Variants in MREG observed in about 807,000 individuals in gnomAD.
The protein encoded by MREG is dilute suppressor protein homolog.
A neutral mutation model predicts 28.5 loss-of-function variants in MREG; 31 were observed. The observed-to-expected ratio is 1.09, with a 90% CI of 0.82 to 1.47. The LOEUF is 1.47. Among genes scored for constraint, MREG ranks in the 40% most tolerant of loss-of-function variants. The pLI, the probability that MREG is intolerant of heterozygous loss-of-function variation, is 0.00. For synonymous variants in MREG, 106 were observed against 95.2 expected, an observed-to-expected ratio of 1.11 and a Z score of -0.66; for missense variants, 256 against 257.4, an observed-to-expected ratio of 0.99 and a Z score of 0.04.
intron 2 of MREG, among the ~76,000 whole-genome samples, chr2:215,971,255 A>G (rs75237262): frequency 0.036 from 5,496 of 152,288 alleles, 124 homozygotes; most frequent in East Asian, 0.1. Flanking sequence ...ATGTATGTCT[A>G]TGTAACAAAC....
intron 2 of MREG, among the ~76,000 whole-genome samples, chr2:215,985,587 T>C (rs34376742): frequency 0.074 from 11,242 of 152,202 alleles, 472 homozygotes; most frequent in Non-Finnish European, 0.09. Flanking sequence ...CATTATTTGC[T>C]CTTCTATATA....
At chr2:216,011,608 T>C (rs966248449) in intron 1 of MREG, among the ~76,000 whole-genome samples, 1 of 152,250 alleles carries the variant, frequency 6.6e-6, no homozygotes, top group South Asian at 2.1e-4. Context: ...CCAGGCAACC[T>C]GATTCACAAG....
upstream of MREG, among the ~76,000 whole-genome samples, chr2:216,014,814 G>T (rs569427925): frequency 6.6e-6 from 1 of 152,244 alleles, no homozygotes; most frequent in African/African-American, 2.4e-5. Flanking sequence ...ACATATGAAA[G>T]TATCTACTTC....
intron 1 of MREG, among the ~76,000 whole-genome samples, chr2:216,031,491 AAGAGAAAG>A (rs1216867104): frequency 1.4e-4 from 18 of 130,494 alleles, no homozygotes; most frequent in African/African-American, 5.5e-4. Flanking sequence ...GAAAGAAAGA[AAGAGAAAG>A]AAAGAGAGAA....
intron 2 of MREG, among the ~76,000 whole-genome samples, chr2:215,981,321 G>A (rs528382929): frequency 2.0e-4 from 30 of 152,266 alleles, no homozygotes; most frequent in African/African-American, 6.5e-4. Context: ...ATATTATTCC[G>A]CTTGAAAAAG....
chr2:215,966,601 CTTTT>C (rs1052642780), intron 2 of MREG, among the ~76,000 whole-genome samples: 2 of 136,672 alleles, frequency 1.5e-5, no homozygotes, highest in Non-Finnish European at 1.6e-5. Flanking sequence ...AACATTTTCC[CTTTT>C]TTTTTTTTTT....
At chr2:215,985,652 A>T (rs1693549570) in intron 2 of MREG, among the ~76,000 whole-genome samples, 1 of 151,884 alleles carries the variant, frequency 6.6e-6, no homozygotes, top group South Asian at 2.1e-4. Context: ...AGCCTTAATT[A>T]TTTGTGGTCC....
intron 1 of MREG, among the ~76,000 whole-genome samples, chr2:216,007,763 CT>C (rs563278741): frequency 0.063 from 9,419 of 149,344 alleles, 409 homozygotes; most frequent in South Asian, 0.16. Flanking sequence ...CATTTTTGTA[CT>C]TTTAGCTGGC....
intron 1 of MREG, among the ~76,000 whole-genome samples, chr2:216,009,935 T>C (rs1315438565): frequency 6.6e-6 from 1 of 152,214 alleles, no homozygotes; most frequent in Non-Finnish European, 1.5e-5. Context: ...GGCTCACACA[T>C]CTTTCAAAAG....
Position 215,974,326 on chromosome 2 carries a change from G to A in MREG, c.255+21980C>T, listed in dbSNP as rs1693183626. ...TCCAGAACACTGGATTTAAGTCTGA[G>A]AAGCAGCAGGTCTCAGCCCACATCA... On this transcript the variant is annotated intron_variant, in intron 2 of 4. Coordinates refer to ENST00000263268, the MANE Select transcript of MREG (RefSeq NM_018000.3). Among the ~76,000 whole-genome samples, 2 of 152,192 alleles carry A rather than the reference G, an allele frequency of 1.3e-5. 1 individual carries two copies. The highest frequency in any genetic ancestry group is 4.1e-4 in the South Asian group (2 of 4,826).
chr2:216,010,580 A>G (rs1000919758), intron 1 of MREG, among the ~76,000 whole-genome samples: 4 of 149,488 alleles, frequency 2.7e-5, no homozygotes, highest in Non-Finnish European at 5.9e-5. Context: ...GATGGTCTTG[A>G]TCTCCTGACC....
intron 1 of MREG, among the ~76,000 whole-genome samples, chr2:216,012,942 C>T (rs1391841133): frequency 6.6e-6 from 1 of 152,222 alleles, no homozygotes; most frequent in Non-Finnish European, 1.5e-5. Flanking sequence ...TTCTGATCAA[C>T]TTCTCTCCCT....
rs148521245 is a variant in MREG at position 215,942,593 on chromosome 2, A to C, written c.*2270T>G. On this transcript the variant is annotated 3_prime_UTR_variant, in exon 5 of 5. Coordinates refer to ENST00000263268, the MANE Select transcript of MREG (RefSeq NM_018000.3). ...ATAACACACATCCAGCTGAAAAGTA[A>C]ATACAGGAGTCTTTTAATTCCTTGT... Among the ~76,000 whole-genome samples, 152 of 152,348 alleles carry C rather than the reference A, an allele frequency of 1.0e-3. No homozygotes were observed. The highest frequency in any genetic ancestry group is 3.4e-3 in the Middle Eastern group (1 of 294).
At chr2:215,995,403 C>T (rs1281742418) in intron 2 of MREG, among the ~76,000 whole-genome samples, 1 of 152,164 alleles carries the variant, frequency 6.6e-6, no homozygotes, top group African/African-American at 2.4e-5. Flanking sequence ...AAGTTATCAC[C>T]TCCTGCTAAA....
At chr2:215,957,779 C>T (rs901126280) in intron 2 of MREG, among the ~76,000 whole-genome samples, 2 of 152,146 alleles carry the variant, frequency 1.3e-5, no homozygotes, top group African/African-American at 2.4e-5. Flanking sequence ...CCCTGGACAG[C>T]GTGCCCCCTT....
intron 2 of MREG, among the ~76,000 whole-genome samples, chr2:215,982,453 G>A (rs964971882): frequency 6.6e-6 from 1 of 152,060 alleles, no homozygotes; most frequent in African/African-American, 2.4e-5. Flanking sequence ...AAACATCACA[G>A]ACCGATGAAC....
intron 2 of MREG, among the ~76,000 whole-genome samples, chr2:215,994,552 A>G (rs1322952410): frequency 8.9e-6 from 1 of 112,254 alleles, no homozygotes; most frequent in Non-Finnish European, 1.7e-5. Context: ...AACTTAAAGT[A>G]TAATTTTAAA....
At chr2:216,008,449 T>C (rs1476029908) in intron 1 of MREG, among the ~76,000 whole-genome samples, 1 of 152,214 alleles carries the variant, frequency 6.6e-6, no homozygotes, top group Non-Finnish European at 1.5e-5. Flanking sequence ...TGAACAACAA[T>C]AGCTATGATT....
rs1694595129 is a variant in MREG at position 216,026,392 on chromosome 2, G to A, written c.-68+6397C>T. Among the ~76,000 whole-genome samples the A allele has an allele frequency of 2.6e-5, 4 of 151,934 alleles. No homozygotes were observed. The South Asian group carries it at 6.2e-4, about 24-fold the overall frequency. ...TTATTTATTTATTTTTGGAGACAGT[G>A]TCTCACTCTGTTGCCCAGGCTGGAG... On this transcript the variant is annotated intron_variant, in intron 1 of 3. Transcript: ENST00000420348.
Sources: gnomAD v4.1 joint callset for allele counts (sites outside exome capture counted in the v4.1 genomes callset) on GRCh38, gnomAD v4.1.1 for gene constraint, MANE v1.5 for transcripts, NCBI Gene and HGNC (gene_info 2026-07-23, HGNC 2026-07-21) for gene names.